Variants in CDH18 observed in about 807,000 individuals in gnomAD.
CDH18 encodes cadherin 18.
CDH18 carries 31 observed loss-of-function variants against 67.9 expected under a neutral mutation model. The observed-to-expected ratio is 0.46, with a 90% CI of 0.34 to 0.62. The LOEUF (loss-of-function observed/expected upper bound fraction) is 0.62. Among genes scored for constraint, CDH18 ranks in the 20% least tolerant of loss-of-function variants. The pLI is 0.01. For missense variants in CDH18, 890 were observed against 975.5 expected (o/e 0.91, Z 1.17); for synonymous variants, 362 against 347.2 (o/e 1.04, Z -0.48).
intron 1 of CDH18, among the ~76,000 whole-genome samples, chr5:20,537,290 G>A (rs1232164000): frequency 5.3e-5 from 8 of 152,074 alleles, no homozygotes; most frequent in African/African-American, 1.9e-4. Flanking sequence ...ATATTGAGTT[G>A]CAACAAAATG....
chr5:20,039,293 C>T (rs1393891395), intron 2 of CDH18, among the ~76,000 whole-genome samples: 1 of 152,090 alleles, frequency 6.6e-6, no homozygotes, highest in East Asian at 1.9e-4. Context: ...AGATACAATG[C>T]TATCCCCATC....
chr5:20,004,316 T>C (rs1362696512), intron 2 of CDH18, among the ~76,000 whole-genome samples: 2 of 152,184 alleles, frequency 1.3e-5, no homozygotes, highest in Middle Eastern at 3.2e-3. Flanking sequence ...GGTGAAACCT[T>C]CACTATTTTA....
intron 3 of CDH18, among the ~76,000 whole-genome samples, chr5:19,837,051 CATTTATACCAGGGAATACT>C (rs1781730510): frequency 6.6e-6 from 1 of 152,114 alleles, no homozygotes; most frequent in Admixed American, 6.6e-5. Flanking sequence ...AAATGTGACA[CATTTATACCAGGGAATACT>C]ATGCAGCCAT....
chr5:19,567,384 C>T (rs887357165), intron 8 of CDH18, among the ~76,000 whole-genome samples: 1 of 151,846 alleles, frequency 6.6e-6, no homozygotes. Flanking sequence ...TACAAAAGAC[C>T]GAAGTCAGGA....
chr5:19,548,550 G>A (rs140581492), intron 8 of CDH18, among the ~76,000 whole-genome samples: 186 of 151,972 alleles, frequency 1.2e-3, no homozygotes, highest in African/African-American at 4.0e-3. Context: ...AGCACTTGCA[G>A]TATACTAGAT....
chr5:20,189,152 T>G (rs1480707809), intron 2 of CDH18, among the ~76,000 whole-genome samples: 1 of 152,092 alleles, frequency 6.6e-6, no homozygotes, highest in African/African-American at 2.4e-5. Flanking sequence ...AATTTTCAAG[T>G]CACTTTGCCT....
At chr5:20,372,168 G>T (rs189023100) in intron 1 of CDH18, among the ~76,000 whole-genome samples, 1 of 152,120 alleles carries the variant, frequency 6.6e-6, no homozygotes, top group African/African-American at 2.4e-5. Flanking sequence ...CTGAAAACAC[G>T]TGAAATACAG....
In CDH18 at chr5:19,485,957, T is replaced by C. The variant is rs182932655; in HGVS notation, c.1631-2405A>G. 8.1e-4 allele frequency among the ~76,000 whole-genome samples: 123 copies of C among 152,260 alleles called. 1 individual carries two copies. In the Middle Eastern group the frequency reaches 0.01, roughly 13 times the overall value. ...AAGCATGCTATTTTCAGGAAAACTA[T>C]TGGAAATGCAATCAGAAATAAGACA... On this transcript the variant is annotated intron_variant, in intron 11 of 12. Coordinates refer to ENST00000382275, the MANE Select transcript of CDH18 (RefSeq NM_004934.5).
At chr5:19,662,652 CCA>C (rs1479982544) in intron 5 of CDH18, among the ~76,000 whole-genome samples, 1 of 151,966 alleles carries the variant, frequency 6.6e-6, no homozygotes, top group Non-Finnish European at 1.5e-5. Context: ...GAGCCACAAA[CCA>C]CATATGTGCA....
At chr5:19,800,609 C>T (rs1034692504) in intron 3 of CDH18, among the ~76,000 whole-genome samples, 1 of 151,868 alleles carries the variant, frequency 6.6e-6, no homozygotes, top group Non-Finnish European at 1.5e-5. Context: ...AAAGGAAGAA[C>T]TATAAAATTA....
At chr5:20,327,387 TC>T in intron 1 of CDH18, among the ~76,000 whole-genome samples, 1 of 152,174 alleles carries the variant, frequency 6.6e-6, no homozygotes, top group East Asian at 1.9e-4. Context: ...CTCTTTCACT[TC>T]TAAAAAGTAG....
intron 2 of CDH18, among the ~76,000 whole-genome samples, chr5:19,883,876 C>T (rs953985094): frequency 1.4e-4 from 21 of 152,038 alleles, no homozygotes; most frequent in East Asian, 7.7e-4. Flanking sequence ...TAGTATAATG[C>T]TAATATATAA....
chr5:19,757,330 C>A (rs1771739864), intron 3 of CDH18, among the ~76,000 whole-genome samples: 1 of 152,200 alleles, frequency 6.6e-6, no homozygotes, highest in Non-Finnish European at 1.5e-5. Context: ...AACCTGTCAT[C>A]AGGTAGCTGG....
chr5:19,488,778 A>G (rs748648140), intron 11 of CDH18, among the ~76,000 whole-genome samples: 5 of 152,200 alleles, frequency 3.3e-5, no homozygotes, highest in Non-Finnish European at 7.3e-5. Context: ...ATGAACTAAT[A>G]TATCTTGTAA....
intron 1 of CDH18, among the ~76,000 whole-genome samples, chr5:20,415,142 T>G (rs1294416346): frequency 6.6e-6 from 1 of 151,980 alleles, no homozygotes; most frequent in Non-Finnish European, 1.5e-5. Flanking sequence ...TCCTAGCACT[T>G]TGGGAGGCTG....
intron 6 of CDH18, among the ~76,000 whole-genome samples, chr5:19,607,177 G>T (rs2150088448): frequency 6.6e-6 from 1 of 151,578 alleles, no homozygotes; most frequent in African/African-American, 2.4e-5. Flanking sequence ...AATATTTTAA[G>T]AAATTTACAA....
intron 1 of CDH18, among the ~76,000 whole-genome samples, chr5:20,348,340 AT>A (rs1432604454): frequency 6.6e-6 from 1 of 152,154 alleles, no homozygotes; most frequent in Non-Finnish European, 1.5e-5. Flanking sequence ...GACAATTACA[AT>A]ACAAGAGAAA....
At chr5:20,367,314 G>A (rs1352612283) in intron 1 of CDH18, among the ~76,000 whole-genome samples, 4 of 152,114 alleles carry the variant, frequency 2.6e-5, no homozygotes, top group African/African-American at 9.7e-5. Context: ...CAAACCTCAA[G>A]CACACCAGAC....
chr5:19,637,702 C>A (rs1009459624), intron 5 of CDH18, among the ~76,000 whole-genome samples: 1 of 152,152 alleles, frequency 6.6e-6, no homozygotes, highest in Non-Finnish European at 1.5e-5. Context: ...TCCCGGCCTG[C>A]CTGTAGCAAG....
Sources: gnomAD v4.1 joint callset for allele counts (sites outside exome capture counted in the v4.1 genomes callset) on GRCh38, gnomAD v4.1.1 for gene constraint, MANE v1.5 for transcripts, NCBI Gene and HGNC (gene_info 2026-07-23, HGNC 2026-07-21) for gene names.